CCT8: variants seen among roughly 807,000 people sequenced by gnomAD.
The protein encoded by CCT8 is T-complex protein 1 subunit theta.
CCT8 carries 10 observed loss-of-function variants against 65.7 expected under a neutral mutation model. That is an observed-to-expected ratio of 0.15 (90% CI 0.09 to 0.26). The LOEUF (loss-of-function observed/expected upper bound fraction) is 0.26. CCT8 is among the 10% of genes least tolerant of loss of function. CCT8 has a pLI of 1.00. For missense variants in CCT8, 568 were observed against 669.1 expected (o/e 0.85, Z 1.67); for synonymous variants, 199 against 221.8 (o/e 0.90, Z 0.92).
intron 2 of CCT8, 100 bp from the exon 3 acceptor site, chr21:29,069,602 T>C (rs2085660525): frequency 4.6e-6 from 3 of 652,266 alleles, no homozygotes; most frequent in Admixed American, 7.0e-5. Flanking sequence ...TAAATTTGTA[T>C]ATTAAAAAAA....
At position 29,073,477 on chromosome 21, in the gene CCT8, C is replaced by G. The variant is rs375489941; in HGVS notation, c.60+54G>C. The stretch of plus-strand genomic sequence containing the variant: ...AGTAGGCCCTCCTACTTCGCCGCGG[C>G]CGCCGCAGCCCTATGCTGACGCTCC... On this transcript the variant is annotated intron_variant, in intron 1 of 14. Coordinates refer to ENST00000286788, the MANE Select transcript of CCT8 (RefSeq NM_006585.4). 8.1e-6 allele frequency: 13 copies of G among 1,612,386 alleles called. No individual in the cohort carries two copies. The Admixed American group carries it at 1.0e-4, about 12-fold the overall frequency.
chr21:29,057,883 C>T (rs2085521905), intron 14 of CCT8, among the ~76,000 whole-genome samples: 1 of 151,462 alleles, frequency 6.6e-6, no homozygotes, highest in South Asian at 2.1e-4. Flanking sequence ...ACCATGACAG[C>T]ACCTGCCTAC....
rs2085633421 is a variant in CCT8, at chr21:29,067,173, A to G, written c.382-102T>C. On this transcript the variant is annotated intron_variant, in intron 4 of 14. Coordinates refer to ENST00000286788, the MANE Select transcript of CCT8 (RefSeq NM_006585.4). ...TTATTTTTGATACAAAATGACAAAG[A>G]ATATACTTCGGAATAAAACATATAG... 4 of 825,818 alleles carry G rather than the reference A, an allele frequency of 4.8e-6. 1 individual carries two copies. The South Asian group carries it at 8.1e-5, about 17-fold the overall frequency. The allele number at this position is 825,818 out of a possible 1,614,324, so 51.2% of individuals were successfully genotyped here.
At chr21:29,056,614 T>C (rs929621219) in intron 14 of CCT8, 62 bp from the exon 15 acceptor site, 14 of 997,586 alleles carry the variant, frequency 1.4e-5, no homozygotes, top group Middle Eastern at 2.4e-4. Context: ...ATGAAAAGAA[T>C]GCTTCTATTA....
intron 1 of CCT8, chr21:29,073,150 G>T: frequency 4.3e-6 from 2 of 466,304 alleles, no homozygotes; most frequent in Non-Finnish European, 5.8e-6. Flanking sequence ...TGTGATAATC[G>T]ACGTCGCAGT....
chr21:29,067,502 AG>A, intron 4 of CCT8, 53 bp downstream of exon 4: 1 of 1,339,618 alleles, frequency 7.5e-7, no homozygotes, highest in Non-Finnish European at 9.8e-7. Flanking sequence ...TGTTTTAAGC[AG>A]GTGTATATGT....
chr21:29,070,159 C>T, intron 2 of CCT8, 88 bp downstream of exon 2: 1 of 716,610 alleles, frequency 1.4e-6, no homozygotes, highest in South Asian at 2.4e-5. Context: ...CGAAGTCATA[C>T]CATAACATCC....
chr21:29,056,520 C>A lies in CCT8; in HGVS notation c.1602G>T (p.Lys534Asn), dbSNP rs1207952765. 1.3e-6 allele frequency: 2 copies of A among 1,554,194 alleles called. No homozygotes were observed. Among genetic ancestry groups the A allele is most frequent in the South Asian group, 1.2e-5 (1 of 81,958 alleles). Reference sequence around the variant, plus strand: ...CCCAGTCTTTCTTCCCACTTGGAGGCTTGGGCCCACCAGCTGGTTTTGCCA... The same window carrying A: ...CCCAGTCTTTCTTCCCACTTGGAGGATTGGGCCCACCAGCTGGTTTTGCCA... ...IIMAKPAGGP[K>N]PPSGKKDWDD... Residue 534 changes from lysine to asparagine, a missense_variant, in exon 15 of 15, where the codon AAG (lysine) becomes AAT (asparagine). Physicochemically the swap from Lys to Asn is moderately conservative, Grantham distance 94. Transcript: ENST00000286788.
Position 29,062,423 on chromosome 21 carries a change from A to AG in CCT8, c.1009-9_1009-8insC. 2 of 1,612,906 alleles carry AG rather than the reference A, an allele frequency of 1.2e-6. No individual in the cohort carries two copies. The highest frequency in any genetic ancestry group is 1.7e-6 in the Non-Finnish European group (2 of 1,178,870). On this transcript the variant is annotated splice_polypyrimidine_tract_variant and intron_variant, in intron 9 of 14. Transcript: ENST00000286788. ...TTCAAGGACAGGAGGTGTCTGTAAG[A>AG]AAGTGACTGTTGTAATAAAAATTCC...
At position 29,065,223 on chromosome 21, in the gene CCT8, A is replaced by G. The variant is rs188032190; in HGVS notation, c.625-118T>C. On this transcript the variant is annotated intron_variant, in intron 6 of 14. Transcript: ENST00000286788. ...CTAAAATAAAGTCATAAACCAAGGC[A>G]GTGACTCCTGGGATAAGGGGTGGAG... 5 of 1,044,066 alleles carry G rather than the reference A, an allele frequency of 4.8e-6. No individual in the cohort carries two copies. In the Admixed American group the frequency reaches 6.2e-5, roughly 13 times the overall value. The allele number at this position is 1,044,066 out of a possible 1,614,324, so 64.7% of individuals were successfully genotyped here. A position where few individuals can be genotyped will look rare whatever the true frequency, so the allele number is the denominator to read the frequency against.
intron 4 of CCT8, among the ~76,000 whole-genome samples, 166 bp from the exon 5 acceptor site, chr21:29,067,237 C>T (rs992871942): frequency 6.6e-6 from 1 of 152,108 alleles, no homozygotes; most frequent in Non-Finnish European, 1.5e-5. Context: ...TAGATGACAG[C>T]CCAAATTTGA....
In CCT8 at chr21:29,062,517, A is replaced by G; in HGVS notation, c.981T>C (p.Thr327=). The G allele has an allele frequency of 6.2e-7, 1 of 1,613,994 alleles. No individual in the cohort carries two copies. Among genetic ancestry groups the G allele is most frequent in the Non-Finnish European group, 8.5e-7 (1 of 1,179,910 alleles). The change falls in exon 9 of 15, where the codon ACT becomes ACC. Residue 327 remains threonine (T), a synonymous_variant. Coordinates refer to ENST00000286788, the MANE Select transcript of CCT8 (RefSeq NM_006585.4). ...ATCTAGGAAGAGCTGTAGCACCAAC[A>G]GTTTTACAAAGTCTTCGGAGATCCC... ...SKWDLRRLCK[T]VGATALPRLT...
intron 8 of CCT8, 58 bp from the exon 9 acceptor site, chr21:29,062,614 A>G (rs2085576864): frequency 7.1e-7 from 1 of 1,406,166 alleles, no homozygotes; most frequent in East Asian, 2.3e-5. Context: ...TAGCATATAA[A>G]GTTCAAATTA....
At position 29,073,587 on chromosome 21, in the gene CCT8, C is replaced by A; in HGVS notation, c.4G>T (p.Ala2Ser). Residue 2 changes from alanine (A) to serine (S), a missense_variant, in exon 1 of 15, where the codon GCG (alanine) becomes TCG (serine). Physicochemically the swap from Ala to Ser is moderately conservative, Grantham distance 99. Transcript: ENST00000286788. The part of the protein sequence containing the change: M[A>S]LHVPKAPGFA... ...CCCGGAGCCTTGGGAACGTGAAGCGCCATGGCCAGCCTGCAGGAAGCAGTT... is the reference window on the plus strand; with the variant it reads ...CCCGGAGCCTTGGGAACGTGAAGCGACATGGCCAGCCTGCAGGAAGCAGTT... 1 of 1,614,138 alleles carries A rather than the reference C, an allele frequency of 6.2e-7. No individual in the cohort carries two copies.
intron 7 of CCT8, 107 bp from the exon 8 acceptor site, chr21:29,063,637 G>T: frequency 1.0e-6 from 1 of 982,190 alleles, no homozygotes. Flanking sequence ...AAAAAAATAT[G>T]AAGATATATG....
intron 1 of CCT8, chr21:29,071,939 C>T (rs1410079067): frequency 1.4e-6 from 1 of 702,434 alleles, no homozygotes; most frequent in Non-Finnish European, 2.6e-6. Context: ...TATGGCTCCT[C>T]CTCTGAACTT....
At chr21:29,066,265 C>G (rs749108914) in intron 6 of CCT8, among the ~76,000 whole-genome samples, 7 of 152,000 alleles carry the variant, frequency 4.6e-5, no homozygotes, top group Non-Finnish European at 7.4e-5. Context: ...AAAGGCCAGG[C>G]ACGGTGGTTC....
intron 7 of CCT8, 38 bp from the exon 8 acceptor site, chr21:29,063,568 C>G: frequency 6.3e-7 from 1 of 1,594,752 alleles, no homozygotes; most frequent in Non-Finnish European, 8.6e-7. Context: ...AAAATCATTT[C>G]ACTACGTTGG....
Position 29,066,712 on chromosome 21 carries a change from T to C in CCT8, c.624+4A>G, listed in dbSNP as rs760352658. On this transcript the variant is annotated splice_donor_region_variant and intron_variant, in intron 6 of 14. Coordinates refer to ENST00000286788, the MANE Select transcript of CCT8 (RefSeq NM_006585.4). ...TATGTAGCATTAATGCATTTTCTAC[T>C]TACCAGAATTTTACAAACTCTGATG... 1.3e-6 allele frequency: 2 copies of C among 1,592,822 alleles called. No homozygotes were observed. Among genetic ancestry groups the C allele is most frequent in the East Asian group, 2.2e-5 (1 of 44,636 alleles).
Sources: gnomAD v4.1 joint callset for allele counts (sites outside exome capture counted in the v4.1 genomes callset) on GRCh38, gnomAD v4.1.1 for gene constraint, MANE v1.5 for transcripts, NCBI Gene and HGNC (gene_info 2026-07-23, HGNC 2026-07-21) for gene names.